LINGO2: variants seen among roughly 807,000 people sequenced by gnomAD.
The protein encoded by LINGO2 is leucine rich repeat and Ig domain containing 2.
Under a neutral mutation model 30.6 loss-of-function variants are expected in LINGO2, and 14 were observed. The observed-to-expected ratio is 0.46, with a 90% CI of 0.30 to 0.72. The LOEUF (loss-of-function observed/expected upper bound fraction) is 0.72. Ranked by LOEUF, LINGO2 falls within the 30% of genes least tolerant of loss-of-function variation. The probability of loss-of-function intolerance (pLI) is 0.07; values close to 1 mark genes in which losing one functional copy is unlikely to be tolerated. For synonymous variants in LINGO2, 317 were observed against 288.5 expected (o/e 1.10, Z -1.00); for missense variants, 729 against 751.7 (o/e 0.97, Z 0.35).
chr9:28,551,677 C>A (rs1037842850), intron 1 of LINGO2, among the ~76,000 whole-genome samples: 3 of 152,008 alleles, frequency 2.0e-5, no homozygotes, highest in African/African-American at 4.8e-5. Flanking sequence ...TATTTATATG[C>A]AAATTTCTCT....
the LINGO2 span, among the ~76,000 whole-genome samples, chr9:29,149,991 C>A: frequency 6.6e-6 from 1 of 152,136 alleles, no homozygotes; most frequent in Non-Finnish European, 1.5e-5. Context: ...GGGGCTTCCC[C>A]AAGGCCTAGG....
At chr9:28,847,857 T>C in the LINGO2 span, among the ~76,000 whole-genome samples, 1 of 122,276 alleles carries the variant, frequency 8.2e-6, no homozygotes, top group Non-Finnish European at 1.7e-5. Flanking sequence ...TATATGTATA[T>C]ATACTATATA....
chr9:28,234,882 A>G (rs1821503607), intron 4 of LINGO2, among the ~76,000 whole-genome samples: 1 of 149,926 alleles, frequency 6.7e-6, no homozygotes, highest in South Asian at 2.1e-4. Context: ...ATACACCACT[A>G]CTTCTGTCCC....
the LINGO2 span, among the ~76,000 whole-genome samples, chr9:29,061,269 C>T: frequency 6.6e-6 from 1 of 151,944 alleles, no homozygotes; most frequent in African/African-American, 2.4e-5. Flanking sequence ...TCAATACTAT[C>T]CAAAGCAATC....
At chr9:28,331,005 T>G (rs1002142311) in intron 3 of LINGO2, among the ~76,000 whole-genome samples, 13 of 152,166 alleles carry the variant, frequency 8.5e-5, no homozygotes, top group African/African-American at 1.4e-4. Flanking sequence ...GGCTAAATTT[T>G]CTTTATTAAA....
At chr9:28,811,357 T>C in the LINGO2 span, among the ~76,000 whole-genome samples, 39 of 152,240 alleles carry the variant, frequency 2.6e-4, 1 homozygote, top group East Asian at 7.5e-3. Context: ...CCAGAATCCA[T>C]TTTGGTTCCC....
At chr9:28,086,839 C>T (rs190224132) in intron 4 of LINGO2, among the ~76,000 whole-genome samples, 16 of 152,056 alleles carry the variant, frequency 1.1e-4, no homozygotes, top group Admixed American at 9.2e-4. Flanking sequence ...TCCTTCAGTA[C>T]AGGCAAGGCT....
the LINGO2 span, among the ~76,000 whole-genome samples, chr9:29,169,104 C>A: frequency 6.6e-6 from 1 of 152,118 alleles, no homozygotes; most frequent in Middle Eastern, 3.4e-3. Context: ...TGCACCACCG[C>A]ACCTGGCTAA....
intron 2 of LINGO2, among the ~76,000 whole-genome samples, chr9:28,447,558 A>G (rs762497805): frequency 2.0e-5 from 3 of 152,122 alleles, no homozygotes; most frequent in Non-Finnish European, 2.9e-5. Flanking sequence ...CAACCAACTG[A>G]TTTTTCCTCT....
chr9:28,675,970 CA>C, the LINGO2 span, among the ~76,000 whole-genome samples: 1 of 143,842 alleles, frequency 7.0e-6, no homozygotes, highest in Non-Finnish European at 1.5e-5. Context: ...TGTATATATA[CA>C]TTTAAAAATA....
chr9:28,178,821 C>T (rs1828819050), intron 4 of LINGO2, among the ~76,000 whole-genome samples: 1 of 152,062 alleles, frequency 6.6e-6, no homozygotes, highest in African/African-American at 2.4e-5. Flanking sequence ...AACTTTCTAT[C>T]AGGAAAGGGA....
intron 1 of LINGO2, among the ~76,000 whole-genome samples, chr9:28,580,557 T>A (rs1824210956): frequency 6.6e-6 from 1 of 151,974 alleles, no homozygotes; most frequent in Non-Finnish European, 1.5e-5. Flanking sequence ...CTGTTTTTGG[T>A]ATAAAAATCA....
At chr9:28,444,824 A>T (rs112767934) in intron 2 of LINGO2, among the ~76,000 whole-genome samples, 2,217 of 152,292 alleles carry the variant, frequency 0.015, 57 homozygotes, top group African/African-American at 0.051. Context: ...ACTTACTTAC[A>T]TACCCCTTGC....
chr9:29,124,047 T>A, the LINGO2 span, among the ~76,000 whole-genome samples: 4 of 152,160 alleles, frequency 2.6e-5, no homozygotes, highest in Admixed American at 1.3e-4. Context: ...AGCATGGTAC[T>A]TCTACCAAAA....
chr9:29,051,354 G>A, the LINGO2 span, among the ~76,000 whole-genome samples: 1 of 152,036 alleles, frequency 6.6e-6, no homozygotes, highest in Non-Finnish European at 1.5e-5. Flanking sequence ...CCATAATTTT[G>A]CCTTAGTTGG....
At chr9:28,546,075 G>C (rs559055701) in intron 1 of LINGO2, among the ~76,000 whole-genome samples, 1 of 151,938 alleles carries the variant, frequency 6.6e-6, no homozygotes, top group Non-Finnish European at 1.5e-5. Flanking sequence ...CTTATATGTG[G>C]ACTCTAAAGA....
At chr9:27,949,791 G>A (rs1587509733) in exon 6 of LINGO2, 2 of 1,614,142 alleles carry the variant, frequency 1.2e-6, no homozygotes, top group Non-Finnish European at 1.7e-6. Context: ...GATCAGGTCA[G>A]AGAACATGCC....
At chr9:28,591,029 A>G (rs1824874646) in intron 1 of LINGO2, among the ~76,000 whole-genome samples, 3 of 152,216 alleles carry the variant, frequency 2.0e-5, no homozygotes, top group Middle Eastern at 3.4e-3. Context: ...GAAGCTGGAA[A>G]CCATCATTCT....
At chr9:28,246,901 T>G (rs1167257842) in intron 4 of LINGO2, among the ~76,000 whole-genome samples, 1 of 151,902 alleles carries the variant, frequency 6.6e-6, no homozygotes, top group African/African-American at 2.4e-5. Flanking sequence ...TAAAACAAAT[T>G]TACAAGAAAA....
Sources: gnomAD v4.1 joint callset for allele counts (sites outside exome capture counted in the v4.1 genomes callset) on GRCh38, gnomAD v4.1.1 for gene constraint, MANE v1.5 for transcripts, NCBI Gene and HGNC (gene_info 2026-07-23, HGNC 2026-07-21) for gene names.